Variants in SNX13 observed in about 807,000 individuals in gnomAD.
SNX13 encodes the protein sorting nexin-13.
A neutral mutation model predicts 133.6 loss-of-function variants in SNX13; 45 were observed. That is an observed-to-expected ratio of 0.34 (90% CI 0.27 to 0.43). The LOEUF (loss-of-function observed/expected upper bound fraction) is 0.43, where lower values mean the gene tolerates loss of function less well. Ranked by LOEUF, SNX13 falls within the 20% of genes least tolerant of loss-of-function variation. SNX13 has a pLI of 1.00. For missense variants in SNX13, 1,032 were observed against 1,145.1 expected (o/e 0.90, Z 1.43); for synonymous variants, 414 against 373.9 (o/e 1.11, Z -1.24).
intron 5 of SNX13, among the ~76,000 whole-genome samples, chr7:17,883,361 T>A (rs1172038008): frequency 1.3e-5 from 2 of 152,168 alleles, no homozygotes; most frequent in East Asian, 3.8e-4. Flanking sequence ...TAAGTGCACA[T>A]CTTCTTAAGT....
In SNX13 at chr7:17,845,585, A is replaced by T; in HGVS notation, c.1165+10T>A. On this transcript the variant is annotated intron_variant, in intron 12 of 25. Transcript: ENST00000428135. ...TGGCTGTATCATTTAAATAGAATTG[A>T]TCTACCTACCCATAAAAAATTGTAG... The T allele has an allele frequency of 2.0e-6, 3 of 1,531,290 alleles. No homozygotes were observed. The highest frequency in any genetic ancestry group is 1.4e-5 in the African/African-American group (1 of 72,266). 94.9% of individuals were successfully genotyped at this position (1,531,290 alleles called of 1,614,324 possible).
rs570148758 is a variant in SNX13 at position 17,801,616 on chromosome 7, C to T, written c.2270G>A (p.Arg757His). 46 of 1,608,860 alleles carry T rather than the reference C, an allele frequency of 2.9e-5. No homozygotes were observed. Among genetic ancestry groups the T allele is most frequent in the South Asian group, 3.3e-5 (3 of 89,718 alleles). The change falls in exon 22 of 26, where the codon CGC becomes CAC. Residue 757 changes from arginine (R) to histidine (H), a missense_variant. Physicochemically the swap from Arg to His is conservative, Grantham distance 29. Transcript: ENST00000428135. ...ATCGTCAAGTTGAGCCGAAACTCGG[C>T]GATGTTCAGGGTCTGAATCAGTCTT... ...IPKTDSDPEHRRVSAQLDDNV... is the reference protein window; with the variant it reads ...IPKTDSDPEHHRVSAQLDDNV...
At chr7:17,828,507 G>A (rs1487340746) in intron 16 of SNX13, among the ~76,000 whole-genome samples, 1 of 151,548 alleles carries the variant, frequency 6.6e-6, no homozygotes, top group East Asian at 1.9e-4. Context: ...GGCAAAATGA[G>A]TAAAATACCA....
chr7:17,819,371 A>C (rs1787029102), intron 18 of SNX13, among the ~76,000 whole-genome samples: 2 of 152,040 alleles, frequency 1.3e-5, no homozygotes, highest in South Asian at 4.2e-4. Flanking sequence ...CCTCCTGAGT[A>C]GCTGGGACTA....
chr7:17,822,314 C>A lies in SNX13; in HGVS notation c.1706-666G>T, dbSNP rs1213059627. On this transcript the variant is annotated intron_variant, in intron 17 of 25. Coordinates refer to ENST00000428135, the MANE Select transcript of SNX13 (RefSeq NM_015132.5). Reference sequence around the variant, plus strand: ...TACTAATCTTAACTAAGGAGATGCACTTTAAATCATTTTCTCTAACTTGTC... The same window carrying A: ...TACTAATCTTAACTAAGGAGATGCAATTTAAATCATTTTCTCTAACTTGTC... Among the ~76,000 whole-genome samples the A allele has an allele frequency of 5.3e-5, 8 of 152,096 alleles. No homozygotes were observed. The South Asian group carries it at 1.5e-3, about 28-fold the overall frequency.
intron 25 of SNX13, 69 bp downstream of exon 25, chr7:17,796,758 C>A: frequency 9.0e-7 from 1 of 1,107,140 alleles, no homozygotes; most frequent in Non-Finnish European, 1.4e-6. Context: ...GTTACACTGG[C>A]ATGATGAATG....
chr7:17,896,614 T>C (rs906274704), intron 2 of SNX13, among the ~76,000 whole-genome samples: 2 of 152,158 alleles, frequency 1.3e-5, no homozygotes, highest in African/African-American at 4.8e-5. Context: ...ACTACATAAA[T>C]ACGTCATATT....
intron 24 of SNX13, among the ~76,000 whole-genome samples, chr7:17,797,512 G>A (rs981287693): frequency 2.6e-5 from 4 of 151,814 alleles, no homozygotes; most frequent in African/African-American, 4.8e-5. Context: ...GGCAGGGACT[G>A]AGCACAAAAA....
intron 5 of SNX13, among the ~76,000 whole-genome samples, chr7:17,885,969 C>G (rs954519432): frequency 2.0e-5 from 3 of 151,884 alleles, no homozygotes; most frequent in Admixed American, 2.0e-4. Context: ...TCAGTTTTTA[C>G]CCAAATTTCA....
At chr7:17,925,669 G>A (rs1241969966) in intron 1 of SNX13, among the ~76,000 whole-genome samples, 1 of 152,158 alleles carries the variant, frequency 6.6e-6, no homozygotes, top group Admixed American at 6.5e-5. Flanking sequence ...GAGAAAGTAT[G>A]GATTATCACA....
intron 9 of SNX13, among the ~76,000 whole-genome samples, chr7:17,857,431 A>C (rs1193722598): frequency 2.0e-5 from 3 of 152,136 alleles, no homozygotes; most frequent in South Asian, 2.1e-4. Flanking sequence ...AGGACACAAC[A>C]AAAAAAGAAA....
At chr7:17,893,729 C>G (rs2127995417) in intron 2 of SNX13, among the ~76,000 whole-genome samples, 1 of 152,242 alleles carries the variant, frequency 6.6e-6, no homozygotes, top group South Asian at 2.1e-4. Context: ...AATCCCAGCA[C>G]TTTGGGAGGC....
At chr7:17,933,472 G>C (rs1209783808) in intron 1 of SNX13, among the ~76,000 whole-genome samples, 2 of 151,580 alleles carry the variant, frequency 1.3e-5, no homozygotes. Flanking sequence ...GAACCCGTGA[G>C]ACAGAGCTTG....
intron 7 of SNX13, among the ~76,000 whole-genome samples, chr7:17,873,875 A>C (rs1794396982): frequency 6.6e-6 from 1 of 152,154 alleles, no homozygotes; most frequent in Non-Finnish European, 1.5e-5. Flanking sequence ...ATTTCGTTAC[A>C]AGTCTTTTTT....
intron 1 of SNX13, among the ~76,000 whole-genome samples, chr7:17,911,609 G>A (rs1354653176): frequency 9.7e-5 from 14 of 144,904 alleles, no homozygotes; most frequent in Admixed American, 7.0e-5. Context: ...CTGCACTCCA[G>A]CCACGGCAAC....
intron 1 of SNX13, among the ~76,000 whole-genome samples, chr7:17,925,164 A>G (rs555948870): frequency 2.0e-5 from 3 of 152,312 alleles, no homozygotes; most frequent in East Asian, 3.9e-4. Flanking sequence ...CAGTGAGCCG[A>G]TATCATGCCA....
At chr7:17,803,656 A>G (rs777829808) in intron 20 of SNX13, 76 bp from the exon 21 acceptor site, 47 of 1,304,154 alleles carry the variant, frequency 3.6e-5, no homozygotes, top group East Asian at 5.0e-5. Context: ...CTTGGAAAAT[A>G]TAGAGTGCAA....
chr7:17,866,918 C>A (rs560710765), intron 9 of SNX13, among the ~76,000 whole-genome samples: 27 of 152,276 alleles, frequency 1.8e-4, no homozygotes, highest in African/African-American at 6.5e-4. Flanking sequence ...CCCCAATTAT[C>A]CTGATTTGAA....
chr7:17,823,905 G>A (rs1323637748), intron 17 of SNX13, among the ~76,000 whole-genome samples: 1 of 152,064 alleles, frequency 6.6e-6, no homozygotes, highest in Non-Finnish European at 1.5e-5. Context: ...GAACAAAAAA[G>A]GAGAAGAGAT....
Sources: gnomAD v4.1 joint callset for allele counts (sites outside exome capture counted in the v4.1 genomes callset) on GRCh38, gnomAD v4.1.1 for gene constraint, MANE v1.5 for transcripts, NCBI Gene and HGNC (gene_info 2026-07-23, HGNC 2026-07-21) for gene names.